Variants in MYO3B observed in about 807,000 individuals in gnomAD.
MYO3B encodes the protein myosin-IIIb.
A neutral mutation model predicts 174.6 loss-of-function variants in MYO3B; 156 were observed. The ratio of observed to expected loss-of-function variants is 0.89; its 90% CI spans 0.78 to 1.02. MYO3B has a LOEUF of 1.02. MYO3B is among the 50% of genes least tolerant of loss of function. The probability of loss-of-function intolerance (pLI) is 0.00; values close to 1 mark genes in which losing one functional copy is unlikely to be tolerated. For missense variants in MYO3B, 1,632 were observed against 1,639.4 expected (o/e 1.00, Z 0.08); for synonymous variants, 563 against 569.1 (o/e 0.99, Z 0.15).
intron 32 of MYO3B, among the ~76,000 whole-genome samples, chr2:170,604,058 G>A (rs1694673275): frequency 6.6e-6 from 1 of 152,172 alleles, no homozygotes; most frequent in Admixed American, 6.5e-5. Context: ...TAGCTTAGGT[G>A]TCTGATAGAC....
rs191861025 is a variant in MYO3B at position 170,291,891 on chromosome 2, A to G, written c.750-43494A>G. On this transcript the variant is annotated intron_variant, in intron 7 of 34. Coordinates refer to ENST00000408978, the MANE Select transcript of MYO3B (RefSeq NM_138995.5). ...GTCCTTGACCTTTAAGATTTTGATT[A>G]TTATATGCTTTGGATTAGTCTTTTT... Among the ~76,000 whole-genome samples the G allele has an allele frequency of 5.5e-4, 83 of 152,070 alleles. No homozygotes were observed. In the East Asian group the frequency reaches 7.9e-3, roughly 15 times the overall value.
At chr2:170,293,359 C>T (rs1352731930) in intron 7 of MYO3B, among the ~76,000 whole-genome samples, 5 of 151,986 alleles carry the variant, frequency 3.3e-5, no homozygotes, top group Non-Finnish European at 7.4e-5. Context: ...TTTGCTTGTT[C>T]TAATGTTTAT....
intron 9 of MYO3B, among the ~76,000 whole-genome samples, chr2:170,372,118 C>CAAAAAAAAAAAAAAAAAAAAAAA (rs769243145): frequency 2.3e-4 from 5 of 22,210 alleles, no homozygotes; most frequent in African/African-American, 3.7e-4. Context: ...GACCCTGTCT[C>CAAAAAAAAAAAAAAAAAAAAAAA]AAAAAAAAAA....
At position 170,387,066 on chromosome 2, in the gene MYO3B, T is replaced by G. The variant is rs2094381194; in HGVS notation, c.1375-40T>G. The G allele has an allele frequency of 1.9e-6, 3 of 1,606,428 alleles. No homozygotes were observed. In the Admixed American group the frequency reaches 5.0e-5, roughly 27 times the overall value. On this transcript the variant is annotated intron_variant, in intron 13 of 34. Coordinates refer to ENST00000408978, the MANE Select transcript of MYO3B (RefSeq NM_138995.5). ...GCCTGGCAACTTTGCTGGTGTAATG[T>G]TTCTGGAGTCTCTTCTTGACCGTTC...
intron 14 of MYO3B, among the ~76,000 whole-genome samples, chr2:170,391,011 AC>A (rs2105765124): frequency 6.6e-6 from 1 of 152,210 alleles, no homozygotes; most frequent in Non-Finnish European, 1.5e-5. Flanking sequence ...ATGGCAGGAG[AC>A]CAGACTAATG....
chr2:170,543,962 G>C lies in MYO3B; in HGVS notation c.3707G>C (p.Ser1236Thr). The C allele has an allele frequency of 6.2e-7, 1 of 1,613,182 alleles. No homozygotes were observed. The highest frequency in any genetic ancestry group is 1.1e-5 in the South Asian group (1 of 91,032). The part of the protein sequence containing the change: ...CHPAPDQQGL[S>T]LWGAPQKPGS... ...CCTGCTCCAGATCAGCAAGGATTGA[G>C]TCTCTGGGGAGCCCCTCAAAAGCCT... Residue 1236 changes from serine to threonine, a missense_variant, in exon 32 of 35, where the codon AGT becomes ACT. Ser to Thr is a moderately conservative substitution (Grantham distance 58, BLOSUM62 1). Coordinates refer to ENST00000408978, the MANE Select transcript of MYO3B (RefSeq NM_138995.5).
At chr2:170,512,142 A>G (rs1344505300) in intron 28 of MYO3B, among the ~76,000 whole-genome samples, 1 of 152,228 alleles carries the variant, frequency 6.6e-6, no homozygotes, top group Non-Finnish European at 1.5e-5. Flanking sequence ...TGGATAATCA[A>G]AGTGGAAAAT....
At chr2:170,455,043 T>G (rs545555508) in intron 23 of MYO3B, among the ~76,000 whole-genome samples, 2 of 152,264 alleles carry the variant, frequency 1.3e-5, no homozygotes, top group East Asian at 3.9e-4. Flanking sequence ...GTAAAATACC[T>G]CAAGCATTGA....
At chr2:170,577,296 T>C (rs1469627671) in intron 32 of MYO3B, among the ~76,000 whole-genome samples, 1 of 152,238 alleles carries the variant, frequency 6.6e-6, no homozygotes, top group Non-Finnish European at 1.5e-5. Context: ...AATATATTTT[T>C]ACCTTTGACA....
chr2:170,365,741 C>T (rs1006584755), intron 8 of MYO3B, among the ~76,000 whole-genome samples: 1 of 152,172 alleles, frequency 6.6e-6, no homozygotes, highest in Non-Finnish European at 1.5e-5. Flanking sequence ...TAGCCTTCTT[C>T]CTCTTTACAC....
At chr2:170,578,522 C>T (rs539350738) in intron 32 of MYO3B, among the ~76,000 whole-genome samples, 4 of 152,284 alleles carry the variant, frequency 2.6e-5, no homozygotes, top group East Asian at 1.9e-4. Flanking sequence ...TGAAGTATTT[C>T]GAAAGCATCG....
chr2:170,449,141 T>C (rs1165521104), intron 23 of MYO3B, among the ~76,000 whole-genome samples: 1 of 152,212 alleles, frequency 6.6e-6, no homozygotes, highest in Non-Finnish European at 1.5e-5. Flanking sequence ...TGACATTCTT[T>C]ATTTACTACA....
At chr2:170,530,422 G>C (rs1458236297) in intron 30 of MYO3B, among the ~76,000 whole-genome samples, 1 of 152,182 alleles carries the variant, frequency 6.6e-6, no homozygotes, top group African/African-American at 2.4e-5. Context: ...CAGCTCCCAG[G>C]ACTCAGAGTG....
chr2:170,583,035 A>C, intron 32 of MYO3B, among the ~76,000 whole-genome samples: 1 of 151,036 alleles, frequency 6.6e-6, no homozygotes, highest in African/African-American at 2.4e-5. Context: ...GTGCTGCCAC[A>C]CTGCAGAGTC....
At chr2:170,484,041 CA>C (rs778191545) in intron 25 of MYO3B, among the ~76,000 whole-genome samples, 11 of 152,150 alleles carry the variant, frequency 7.2e-5, no homozygotes, top group Non-Finnish European at 1.0e-4. Flanking sequence ...GGATGACTTA[CA>C]GAAAAGATTG....
In MYO3B at chr2:170,302,701, A is replaced by G. The variant is rs566307262; in HGVS notation, c.750-32684A>G. On this transcript the variant is annotated intron_variant, in intron 7 of 34. Coordinates refer to ENST00000408978, the MANE Select transcript of MYO3B (RefSeq NM_138995.5). ...GGGAATGAGGAAAGTGTGGTTTAAAATATTTCTTCTTCTTGCACTGAGATC... is the reference window on the plus strand; with the variant it reads ...GGGAATGAGGAAAGTGTGGTTTAAAGTATTTCTTCTTCTTGCACTGAGATC... Among the ~76,000 whole-genome samples, 6 of 152,352 alleles carry G rather than the reference A, an allele frequency of 3.9e-5. No individual in the cohort carries two copies. The East Asian group carries it at 1.2e-3, about 29-fold the overall frequency.
chr2:170,514,692 G>A (rs548247569), intron 28 of MYO3B, among the ~76,000 whole-genome samples: 1 of 152,144 alleles, frequency 6.6e-6, no homozygotes, highest in African/African-American at 2.4e-5. Flanking sequence ...AGAGAATCTG[G>A]CCAGAACAAT....
chr2:170,464,465 G>A (rs976702538), intron 24 of MYO3B, among the ~76,000 whole-genome samples: 1 of 152,140 alleles, frequency 6.6e-6, no homozygotes, highest in African/African-American at 2.4e-5. Context: ...TGAGAGGTCA[G>A]GTGGATGGGA....
At chr2:170,494,323 C>T (rs1228402267) in intron 25 of MYO3B, among the ~76,000 whole-genome samples, 1 of 152,190 alleles carries the variant, frequency 6.6e-6, no homozygotes, top group Non-Finnish European at 1.5e-5. Flanking sequence ...AGATATTTTT[C>T]AACTGGATAT....
Sources: allele counts gnomAD v4.1 joint callset (sites outside exome capture counted in the v4.1 genomes callset), GRCh38; gene constraint gnomAD v4.1.1; transcripts MANE v1.5; gene names NCBI Gene and HGNC (gene_info 2026-07-23, HGNC 2026-07-21).